ADD1: variants seen among roughly 807,000 people sequenced by gnomAD.
ADD1 encodes the protein adducin 1.
Under a neutral mutation model 80.5 loss-of-function variants are expected in ADD1, and 24 were observed. The ratio of observed to expected loss-of-function variants is 0.30; its 90% CI spans 0.22 to 0.42. The LOEUF (loss-of-function observed/expected upper bound fraction) is 0.42. Among genes scored for constraint, ADD1 ranks in the 10% least tolerant of loss-of-function variants. ADD1 has a pLI of 1.00. For missense variants in ADD1, 948 were observed against 1,019.0 expected (o/e 0.93, Z 0.95); for synonymous variants, 373 against 393.8 (o/e 0.95, Z 0.63).
At chr4:2,916,675 A>C (rs1335906071) in intron 14 of ADD1, among the ~76,000 whole-genome samples, 1 of 152,080 alleles carries the variant, frequency 6.6e-6, no homozygotes, top group Non-Finnish European at 1.5e-5. Flanking sequence ...TCCTGATGCT[A>C]TCCTTCCCCT....
In ADD1 at chr4:2,929,331, G is replaced by C. The variant is rs1007634754; in HGVS notation, c.*808G>C. On this transcript the variant is annotated 3_prime_UTR_variant, in exon 16 of 16. Coordinates refer to ENST00000683351, the MANE Select transcript of ADD1 (RefSeq NM_001354761.2). ...GCTGCTTTTTGCTTTCTTCTTTCCA[G>C]ACCCCACAGTAGAGCACTTTTCACT... is the stretch of plus-strand genomic sequence containing the variant. 3.9e-5 allele frequency: 6 copies of C among 152,222 alleles called. No individual in the cohort carries two copies. Among genetic ancestry groups the C allele is most frequent in the African/African-American group, 1.4e-4 (6 of 41,434 alleles). The allele number at this position is 152,222 out of a possible 1,614,324, so 9.4% of individuals were successfully genotyped here.
chr4:2,882,678 A>G (rs1180706992), intron 3 of ADD1, among the ~76,000 whole-genome samples: 1 of 152,214 alleles, frequency 6.6e-6, no homozygotes, highest in Admixed American at 6.5e-5. Flanking sequence ...ATCTGCTGAC[A>G]TTTGCTATTT....
chr4:2,907,724 A>G lies in ADD1; in HGVS notation c.1507-19A>G, dbSNP rs746511314. On this transcript the variant is annotated intron_variant, in intron 10 of 15. Coordinates refer to ENST00000683351, the MANE Select transcript of ADD1 (RefSeq NM_001354761.2). ...TTGTTGTCATAATTCTGACTTTTCA[A>G]CTGTTCTTGATATTACAGTGGACTA... The G allele has an allele frequency of 2.5e-6, 4 of 1,601,456 alleles. No homozygotes were observed. The highest frequency in any genetic ancestry group is 2.7e-5 in the African/African-American group (2 of 74,662).
chr4:2,895,366 G>T (rs887195804), intron 6 of ADD1, among the ~76,000 whole-genome samples: 2 of 152,142 alleles, frequency 1.3e-5, no homozygotes, highest in African/African-American at 4.8e-5. Flanking sequence ...CAGTAAGCAG[G>T]CATCTCGTTC....
chr4:2,883,786 C>T, intron 3 of ADD1, among the ~76,000 whole-genome samples: 1 of 152,092 alleles, frequency 6.6e-6, no homozygotes. Flanking sequence ...ATTCTCCTGC[C>T]TCAGCCTCCC....
intron 4 of ADD1, among the ~76,000 whole-genome samples, chr4:2,885,295 T>G (rs1733066211): frequency 6.6e-6 from 1 of 152,224 alleles, no homozygotes; most frequent in Non-Finnish European, 1.5e-5. Flanking sequence ...AGCGAAATCC[T>G]GCTGTGGAAG....
chr4:2,894,468 A>T, intron 5 of ADD1, 114 bp from the exon 6 acceptor site: 1 of 928,554 alleles, frequency 1.1e-6, no homozygotes, highest in Non-Finnish European at 1.6e-6. Flanking sequence ...CCGAGGTCGC[A>T]CCACTGCACT....
rs888174607 is a variant in ADD1, at chr4:2,928,788, G to A, written c.*265G>A. On this transcript the variant is annotated 3_prime_UTR_variant, in exon 16 of 16. Coordinates refer to ENST00000683351, the MANE Select transcript of ADD1 (RefSeq NM_001354761.2). The stretch of plus-strand genomic sequence containing the variant: ...CCACAGGGGGGAGGCACTAAGTCAT[G>A]GTCCTGGCTGGAAGGTACTGAAGGC... 15 of 462,366 alleles carry A rather than the reference G, an allele frequency of 3.2e-5. No individual in the cohort carries two copies. The South Asian group carries it at 4.3e-4, about 13-fold the overall frequency. 28.6% of individuals were successfully genotyped at this position (462,366 alleles called of 1,614,324 possible).
At chr4:2,903,064 T>G (rs993221864) in intron 9 of ADD1, 7 of 151,536 alleles carry the variant, frequency 4.6e-5, no homozygotes, top group African/African-American at 1.5e-4. Flanking sequence ...AAAAAAATAT[T>G]GAAAGAGTGA....
At chr4:2,854,851 T>C (rs1727833544) in intron 1 of ADD1, 1 of 152,240 alleles carries the variant, frequency 6.6e-6, no homozygotes, top group Non-Finnish European at 1.5e-5. Flanking sequence ...TATTCTCTCA[T>C]AGTTCTGGAG....
chr4:2,884,515 G>A lies in ADD1; in HGVS notation c.359G>A (p.Ser120Asn). The A allele has an allele frequency of 1.9e-6, 3 of 1,594,736 alleles. No individual in the cohort carries two copies. The highest frequency in any genetic ancestry group is 2.6e-6 in the Non-Finnish European group (3 of 1,166,702). The change falls in exon 4 of 16, where the codon AGT becomes AAT. Residue 120 changes from serine to asparagine, a missense_variant and splice_region_variant. Ser to Asn is a conservative substitution (Grantham distance 46). Transcript: ENST00000683351. The stretch of plus-strand genomic sequence containing the variant: ...TGAGTTTTGTTTTTCTTTATTTCAG[G>A]TCTTGGTATGGTGACTCCTGTGAAC... Reference protein sequence around the residue: ...PQGGMAALNMSLGMVTPVNDL... With the variant: ...PQGGMAALNMNLGMVTPVNDL...
chr4:2,921,914 CTTGA>C (rs1740116919), intron 14 of ADD1, among the ~76,000 whole-genome samples: 1 of 151,668 alleles, frequency 6.6e-6, no homozygotes, highest in Non-Finnish European at 1.5e-5. Context: ...CTTTCTTCTG[CTTGA>C]TTGATTTGGC....
intron 1 of ADD1, among the ~76,000 whole-genome samples, chr4:2,853,921 G>A (rs777326837): frequency 1.3e-5 from 2 of 152,126 alleles, no homozygotes; most frequent in Non-Finnish European, 2.9e-5. Flanking sequence ...TGTTTTAATT[G>A]CATTGCACCC....
chr4:2,855,403 C>T (rs1335829971), intron 1 of ADD1, among the ~76,000 whole-genome samples: 1 of 151,950 alleles, frequency 6.6e-6, no homozygotes, highest in Non-Finnish European at 1.5e-5. Context: ...CCTTTTTAAA[C>T]AACTGGGAGT....
intron 13 of ADD1, among the ~76,000 whole-genome samples, chr4:2,912,766 A>G (rs575575590): frequency 6.6e-6 from 1 of 152,154 alleles, no homozygotes; most frequent in Non-Finnish European, 1.5e-5. Flanking sequence ...GGCTCAAGCA[A>G]TCCTTCTGCC....
At chr4:2,846,417 G>A (rs1395914698) in intron 1 of ADD1, among the ~76,000 whole-genome samples, 2 of 152,160 alleles carry the variant, frequency 1.3e-5, no homozygotes, top group African/African-American at 2.4e-5. Flanking sequence ...AGGTAAGTAG[G>A]CAGAAATGAT....
At chr4:2,911,521 A>G (rs1738050723) in intron 13 of ADD1, among the ~76,000 whole-genome samples, 1 of 146,394 alleles carries the variant, frequency 6.8e-6, no homozygotes, top group Non-Finnish European at 1.5e-5. Flanking sequence ...GTCTTGGCCC[A>G]CTGCAACCTC....
At chr4:2,857,787 A>G (rs531371680) in intron 1 of ADD1, among the ~76,000 whole-genome samples, 11 of 152,286 alleles carry the variant, frequency 7.2e-5, no homozygotes, top group Non-Finnish European at 1.0e-4. Context: ...TGTGTTTTCC[A>G]TGATACAGGG....
intron 4 of ADD1, among the ~76,000 whole-genome samples, chr4:2,884,976 C>T (rs1015084995): frequency 1.3e-5 from 2 of 152,180 alleles, no homozygotes; most frequent in Admixed American, 6.5e-5. Context: ...ATGATGTTTT[C>T]TTTCTTAGTC....
Sources: gnomAD v4.1 joint callset for allele counts (sites outside exome capture counted in the v4.1 genomes callset) on GRCh38, gnomAD v4.1.1 for gene constraint, MANE v1.5 for transcripts, NCBI Gene and HGNC (gene_info 2026-07-23, HGNC 2026-07-21) for gene names.